The following ITGA4 variants were observed in gnomAD, a reference collection of about 807,000 sequenced individuals.
The protein encoded by ITGA4 is integrin subunit alpha 4.
Under a neutral mutation model 133.6 loss-of-function variants are expected in ITGA4, and 63 were observed. The ratio of observed to expected loss-of-function variants is 0.47; its 90% CI spans 0.38 to 0.58. The LOEUF is 0.58. Ranked by LOEUF, ITGA4 falls within the 20% of genes least tolerant of loss-of-function variation. The pLI is 0.00. For missense variants in ITGA4, 1,076 were observed against 1,252.7 expected, an observed-to-expected ratio of 0.86 and a Z score of 2.13; for synonymous variants, 483 against 438.0, an observed-to-expected ratio of 1.10 and a Z score of -1.28.
intron 2 of ITGA4, among the ~76,000 whole-genome samples, chr2:181,464,456 C>T (rs1472328168): frequency 6.6e-6 from 1 of 151,944 alleles, no homozygotes; most frequent in African/African-American, 2.4e-5. Flanking sequence ...CCTTGAGTAA[C>T]TCAGTTGAGA....
chr2:181,484,728 G>A (rs537270951), intron 9 of ITGA4, among the ~76,000 whole-genome samples: 22 of 152,234 alleles, frequency 1.4e-4, no homozygotes, highest in Non-Finnish European at 2.4e-4. Context: ...ACCAATGGGA[G>A]TAAACAATTG....
At position 181,537,178 on chromosome 2, in the gene ITGA4, A is replaced by AGGATCATAGATGAAAAATC. The variant is rs1687169616; in HGVS notation, c.*1652_*1670dup. ...TAGTCATTCTTTCAGGAGAACATCT[A>AGGATCATAGATGAAAAATC]GGATCATAGATGAAAAATCAAGCCC... On this transcript the variant is annotated 3_prime_UTR_variant, in exon 28 of 28. Coordinates refer to ENST00000397033, the MANE Select transcript of ITGA4 (RefSeq NM_000885.6). 2 of 453,914 alleles carry AGGATCATAGATGAAAAATC rather than the reference A, an allele frequency of 4.4e-6. No individual in the cohort carries two copies. The highest frequency in any genetic ancestry group is 6.9e-4 in the Middle Eastern group (1 of 1,444). 28.1% of individuals were successfully genotyped at this position (453,914 alleles called of 1,614,324 possible). A position where few individuals can be genotyped will look rare whatever the true frequency, so the allele number is the denominator to read the frequency against.
chr2:181,499,948 T>G (rs899426559), intron 15 of ITGA4, among the ~76,000 whole-genome samples: 4 of 152,210 alleles, frequency 2.6e-5, no homozygotes, highest in Non-Finnish European at 5.9e-5. Flanking sequence ...TTGGCATCGT[T>G]CCTGTAAATA....
chr2:181,493,816 T>C (rs900529937), intron 11 of ITGA4, among the ~76,000 whole-genome samples: 4 of 152,202 alleles, frequency 2.6e-5, no homozygotes, highest in Non-Finnish European at 5.9e-5. Flanking sequence ...ACACATATGA[T>C]TCTCTGGGTT....
rs550899857 is a variant in ITGA4, at chr2:181,516,036, G to C, written c.1922+4261G>C. 4.6e-5 allele frequency among the ~76,000 whole-genome samples: 7 copies of C among 152,044 alleles called. No homozygotes were observed. The highest frequency in any genetic ancestry group is 1.0e-4 in the Non-Finnish European group (7 of 67,994). On this transcript the variant is annotated intron_variant, in intron 17 of 27. Coordinates refer to ENST00000397033, the MANE Select transcript of ITGA4 (RefSeq NM_000885.6). This position sits in a 1 kb window ranked among gnomAD's most constrained non-coding sequence, Gnocchi z 4.0. The stretch of plus-strand genomic sequence containing the variant: ...CTTAAGTTGAGGCTTCCTCCTGTAT[G>C]TCTAAATGCTTAGGACAATAAACTG...
At chr2:181,520,849 A>C (rs1686703345) in intron 17 of ITGA4, among the ~76,000 whole-genome samples, 1 of 152,144 alleles carries the variant, frequency 6.6e-6, no homozygotes, top group Admixed American at 6.6e-5. Flanking sequence ...ATTGTACAGA[A>C]ACTTTCAATT....
chr2:181,468,074 C>T (rs991637655), intron 2 of ITGA4, among the ~76,000 whole-genome samples: 4 of 152,142 alleles, frequency 2.6e-5, no homozygotes, highest in Admixed American at 2.0e-4. Context: ...TGCATGTTTT[C>T]GCTGCCAGGC....
At position 181,538,336 on chromosome 2, in the gene ITGA4, A is replaced by AATTG; in HGVS notation, c.*2812_*2815dup. The AATTG allele has an allele frequency of 1.4e-6, 1 of 723,000 alleles. No homozygotes were observed. The highest frequency in any genetic ancestry group is 2.5e-5 in the East Asian group (1 of 39,588). 44.8% of individuals were successfully genotyped at this position (723,000 alleles called of 1,614,324 possible). On this transcript the variant is annotated 3_prime_UTR_variant, in exon 28 of 28. Coordinates refer to ENST00000397033, the MANE Select transcript of ITGA4 (RefSeq NM_000885.6). ...GTACACAATGCCAATGCCAAATACA[A>AATTG]ATTGATAACAAACACAGCATTCCCA...
Position 181,527,338 on chromosome 2 carries a change from A to C in ITGA4, c.2381A>C (p.Glu794Ala), listed in dbSNP as rs776701139. 6.2e-7 allele frequency: 1 copy of C among 1,613,226 alleles called. No homozygotes were observed. Reference protein sequence around the residue: ...PTSFVYGSNDENEPETCMVEK... With the variant: ...PTSFVYGSNDANEPETCMVEK... The stretch of plus-strand genomic sequence containing the variant: ...TCATTTGTGTATGGATCAAATGATG[A>C]AAATGAGCCTGAAACGTGCATGGTG... The change falls in exon 22 of 28, where the codon GAA becomes GCA. Residue 794 changes from glutamate (E) to alanine (A), a missense_variant. By Grantham distance (107) the Glu-to-Ala change is moderately radical. Transcript: ENST00000397033.
chr2:181,471,148 A>G (rs1354812684), intron 2 of ITGA4, among the ~76,000 whole-genome samples: 1 of 152,212 alleles, frequency 6.6e-6, no homozygotes, highest in African/African-American at 2.4e-5. Flanking sequence ...TATTTCCATG[A>G]ACTTTCTTTC....
rs1685806979 is a variant in ITGA4, at chr2:181,481,683, G to A, written c.840G>A (p.Lys280=). 1.3e-6 allele frequency: 2 copies of A among 1,525,622 alleles called. No individual in the cohort carries two copies. The highest frequency in any genetic ancestry group is 1.4e-5 in the African/African-American group (1 of 73,112). The allele number at this position is 1,525,622 out of a possible 1,614,324, so 94.5% of individuals were successfully genotyped here. A position where few individuals can be genotyped will look rare whatever the true frequency, so the allele number is the denominator to read the frequency against. The change falls in exon 7 of 28, where the codon AAG becomes AAA. Residue 280 remains lysine (K), a splice_region_variant and synonymous_variant. Transcript: ENST00000397033. The part of the protein sequence containing the change: ...GGAPQHEQIG[K]AYIFSIDEKE... The stretch of plus-strand genomic sequence containing the variant: ...CTCCTCAACATGAGCAGATTGGTAA[G>A]GTAAGAATTACATTTTTATATTTAT...
intron 17 of ITGA4, among the ~76,000 whole-genome samples, chr2:181,520,786 G>A (rs535899645): frequency 6.6e-6 from 1 of 152,196 alleles, no homozygotes; most frequent in African/African-American, 2.4e-5. Context: ...ATCAGCTCTA[G>A]GAAGGAGTGA....
At position 181,478,781 on chromosome 2, in the gene ITGA4, A is replaced by G. The variant is rs1181945957; in HGVS notation, c.581A>G (p.Asn194Ser). The change falls in exon 5 of 28, where the codon AAT becomes AGT. Residue 194 changes from asparagine to serine, a missense_variant. Physicochemically the swap from Asn to Ser is conservative, Grantham distance 46. Around this residue, in one of 4 missense-constraint regions of ITGA4, gnomAD observed 436 missense variants for 590.7 expected, o/e 0.74. Coordinates refer to ENST00000397033, the MANE Select transcript of ITGA4 (RefSeq NM_000885.6). ...YQDYVKKFGE[N>S]FASCQAGISS... ...GATTATGTGAAAAAATTTGGAGAAA[A>G]TTTTGCATCATGTCAAGCTGGAATA... is the stretch of plus-strand genomic sequence containing the variant. 2.0e-6 allele frequency: 3 copies of G among 1,485,528 alleles called. No homozygotes were observed. The highest frequency in any genetic ancestry group is 2.7e-6 in the Non-Finnish European group (3 of 1,101,014). The allele number at this position is 1,485,528 out of a possible 1,614,324, so 92.0% of individuals were successfully genotyped here. A position where few individuals can be genotyped will look rare whatever the true frequency, so the allele number is the denominator to read the frequency against.
At chr2:181,522,441 T>A in intron 18 of ITGA4, 100 bp downstream of exon 18, 2 of 791,804 alleles carry the variant, frequency 2.5e-6, no homozygotes, top group African/African-American at 1.8e-5. Context: ...GGGGTATAAG[T>A]CTTAATATTT....
chr2:181,466,157 G>A (rs1685407415), intron 2 of ITGA4, among the ~76,000 whole-genome samples: 1 of 152,088 alleles, frequency 6.6e-6, no homozygotes, highest in South Asian at 2.1e-4. Flanking sequence ...AAACCCAGAA[G>A]TGACCTAGTT....
rs1686738629 is a variant in ITGA4 at position 181,522,352 on chromosome 2, T to C, written c.2073+11T>C. ...AAGATTTTAGAGCTGGTAAGTACTG[T>C]AAACCACAATAGCATGATACTACTT... is the stretch of plus-strand genomic sequence containing the variant. On this transcript the variant is annotated intron_variant, in intron 18 of 27. Transcript: ENST00000397033. 6.4e-7 allele frequency: 1 copy of C among 1,570,954 alleles called. No homozygotes were observed. Among genetic ancestry groups the C allele is most frequent in the African/African-American group, 1.4e-5 (1 of 73,248 alleles).
rs1687090287 is a variant in ITGA4, at chr2:181,536,417, C to T, written c.*890C>T. Among the ~76,000 whole-genome samples the T allele has an allele frequency of 2.0e-5, 3 of 152,046 alleles. No homozygotes were observed. The highest frequency in any genetic ancestry group is 3.9e-4 in the East Asian group (2 of 5,188). Reference sequence around the variant, plus strand: ...TGATTTAGAAAATACAGAAACCATACCTCACTAATAACTTTAAAATCAAAG... The same window carrying T: ...TGATTTAGAAAATACAGAAACCATATCTCACTAATAACTTTAAAATCAAAG... On this transcript the variant is annotated 3_prime_UTR_variant, in exon 28 of 28. Transcript: ENST00000397033.
intron 15 of ITGA4, among the ~76,000 whole-genome samples, chr2:181,508,999 G>A (rs1362214446): frequency 6.6e-6 from 1 of 151,518 alleles, no homozygotes; most frequent in African/African-American, 2.4e-5. Flanking sequence ...AAAATGGGCT[G>A]GGCATGGTGG....
At chr2:181,458,841 C>A (rs1685199328) in intron 2 of ITGA4, 1 of 153,538 alleles carries the variant, frequency 6.5e-6, no homozygotes, top group African/African-American at 2.4e-5. Context: ...AAATTGGCAT[C>A]TTCATCGTTA....
Sources: allele counts gnomAD v4.1 joint callset (sites outside exome capture counted in the v4.1 genomes callset), GRCh38; gene constraint gnomAD v4.1.1; regional missense constraint gnomAD v4.1.1; non-coding constraint Gnocchi (gnomAD v3.1); transcripts MANE v1.5; gene names NCBI Gene and HGNC (gene_info 2026-07-23, HGNC 2026-07-21).